Variants in PARVB observed in about 807,000 individuals in gnomAD.
PARVB encodes parvin beta, also known as beta-parvin.
Under a neutral mutation model 47.0 loss-of-function variants are expected in PARVB, and 46 were observed. That is an observed-to-expected ratio of 0.98 (90% confidence interval 0.77 to 1.25). The LOEUF is 1.25. Ranked by LOEUF, PARVB falls within the 50% of genes most tolerant of loss-of-function variation. The pLI is 0.00. For synonymous variants in PARVB, 196 were observed against 196.3 expected (o/e 1.00, Z 0.01); for missense variants, 473 against 471.6 (o/e 1.00, Z -0.03).
chr22:44,154,055 C>T (rs372338143), intron 10 of PARVB, among the ~76,000 whole-genome samples: 22 of 152,256 alleles, frequency 1.4e-4, no homozygotes, highest in Admixed American at 6.5e-4. Flanking sequence ...TGTCATGGGG[C>T]GTGTGAGGGG....
upstream of PARVB, among the ~76,000 whole-genome samples, chr22:44,023,498 A>C (rs1341037649): frequency 6.6e-6 from 1 of 151,708 alleles, no homozygotes; most frequent in Non-Finnish European, 1.5e-5. Flanking sequence ...GCAACAAAGC[A>C]AGACTACGTC....
At chr22:44,002,786 T>C (rs1340376991) in intron 2 of PARVB, among the ~76,000 whole-genome samples, 2 of 152,116 alleles carry the variant, frequency 1.3e-5, no homozygotes, top group African/African-American at 4.8e-5. Flanking sequence ...CCAGTTGGCC[T>C]GTTTTCAAGA....
At chr22:44,127,191 G>A (rs796668249) in intron 4 of PARVB, among the ~76,000 whole-genome samples, 15 of 152,104 alleles carry the variant, frequency 9.9e-5, no homozygotes, top group African/African-American at 3.6e-4. Context: ...AATCACATAA[G>A]CACTTGAGAA....
At chr22:44,082,544 A>G (rs2051928723) in intron 1 of PARVB, among the ~76,000 whole-genome samples, 1 of 152,232 alleles carries the variant, frequency 6.6e-6, no homozygotes, top group East Asian at 1.9e-4. Flanking sequence ...AACAAAAAAC[A>G]AAAAACAAAA....
At position 44,151,475 on chromosome 22, in the gene PARVB, C is replaced by G. The variant is rs41302597; in HGVS notation, c.775-8C>G. On this transcript the variant is annotated splice_polypyrimidine_tract_variant and splice_region_variant and intron_variant, in intron 9 of 12. Transcript: ENST00000338758. ...TCATGGCTCCTGTGTCTCTTTTATT[C>G]TTGGCAGTCTCTCATCACTTTTGTG... 0.016 allele frequency: 25,075 copies of G among 1,612,070 alleles called. 256 individuals are homozygous for G. The highest frequency in any genetic ancestry group is 0.019 in the Non-Finnish European group (21,812 of 1,178,108).
intron 1 of PARVB, chr22:44,026,441 C>T (rs1043119464): frequency 1.6e-5 from 11 of 700,418 alleles, no homozygotes; most frequent in Non-Finnish European, 1.9e-5. Flanking sequence ...GGCCACAAAC[C>T]CTCCTTGGAT....
intron 1 of PARVB, among the ~76,000 whole-genome samples, chr22:44,030,171 G>A (rs944924031): frequency 1.4e-4 from 21 of 152,324 alleles, no homozygotes; most frequent in Non-Finnish European, 1.5e-4. Context: ...CACTGCCCCC[G>A]CCTTTCCCCC....
intron 2 of PARVB, among the ~76,000 whole-genome samples, chr22:44,000,503 G>C (rs747723923): frequency 6.6e-6 from 1 of 152,226 alleles, no homozygotes; most frequent in African/African-American, 2.4e-5. Flanking sequence ...TAGGCCGGGC[G>C]TGGTGGCTCA....
intron 1 of PARVB, among the ~76,000 whole-genome samples, chr22:44,029,546 C>CTGTGGG (rs1569061277): frequency 3.9e-5 from 6 of 151,982 alleles, no homozygotes; most frequent in Admixed American, 2.6e-4. Flanking sequence ...GAGGCTGAGG[C>CTGTGGG]AGGTGGATCA....
chr22:44,097,069 C>T (rs964849279), intron 2 of PARVB, among the ~76,000 whole-genome samples: 1 of 152,120 alleles, frequency 6.6e-6, no homozygotes, highest in African/African-American at 2.4e-5. Flanking sequence ...CTTGGAGCCA[C>T]CGAGAGGAGC....
intron 1 of PARVB, among the ~76,000 whole-genome samples, chr22:44,070,222 TCA>T (rs2051624623): frequency 6.6e-6 from 1 of 152,118 alleles, no homozygotes; most frequent in African/African-American, 2.4e-5. Context: ...CTGCCCAAGG[TCA>T]CACCGCAGAT....
upstream of PARVB, among the ~76,000 whole-genome samples, chr22:44,021,106 C>T (rs1030357648): frequency 8.5e-5 from 13 of 152,172 alleles, no homozygotes; most frequent in African/African-American, 2.7e-4. Context: ...TTTATGGAGC[C>T]TTCATTGGCT....
intron 12 of PARVB, among the ~76,000 whole-genome samples, chr22:44,166,357 G>C (rs1462570515): frequency 6.6e-6 from 1 of 152,196 alleles, no homozygotes; most frequent in Non-Finnish European, 1.5e-5. Flanking sequence ...TGATCCACCT[G>C]CCTTGCCCTC....
rs368898940 is a variant in PARVB, at chr22:44,037,335, A to T, written c.112+12884A>T. Among the ~76,000 whole-genome samples, 32 of 152,254 alleles carry T rather than the reference A, an allele frequency of 2.1e-4. No individual in the cohort carries two copies. The East Asian group carries it at 2.7e-3, about 13-fold the overall frequency. ...CTACTCGGGAGGCTGAGGTGGGAGGATCGCTTGAGCCTGGGAGGTGGAGGT... is the reference window on the plus strand; with the variant it reads ...CTACTCGGGAGGCTGAGGTGGGAGGTTCGCTTGAGCCTGGGAGGTGGAGGT... On this transcript the variant is annotated intron_variant, in intron 1 of 12. Transcript: ENST00000338758.
rs1569060584 is a variant in PARVB at position 44,028,313 on chromosome 22, T to TTTG, written c.112+3864_112+3865insGTT. Among the ~76,000 whole-genome samples the TTTG allele has an allele frequency of 2.2e-3, 316 of 145,878 alleles. 2 individuals carry two copies. The highest frequency in any genetic ancestry group is 6.7e-3 in the African/African-American group (260 of 38,940). ...CTGGCAACCACGGATCATTTTTTTG[T>TTTG]TTTGTTTTTTTGGTTTTTGTTTTTG... On this transcript the variant is annotated intron_variant, in intron 1 of 12. Transcript: ENST00000338758.
In PARVB at chr22:44,015,231, CAGAT is replaced by C. The variant is rs1391377208; in HGVS notation, c.211+15561_211+15564del. On this transcript the variant is annotated intron_variant, in intron 2 of 13. Transcript: ENST00000406477. ...AGGAGATAGAAAGAAATTATTTAGA[CAGAT>C]AGTGAGGGTGAAAGAGTCCTTGACA... Among the ~76,000 whole-genome samples, 2 of 151,754 alleles carry C rather than the reference CAGAT, an allele frequency of 1.3e-5. 1 individual carries two copies. Among genetic ancestry groups the C allele is most frequent in the African/African-American group, 4.8e-5 (2 of 41,340 alleles).
At chr22:44,140,650 C>T in intron 8 of PARVB, 1 of 514,092 alleles carries the variant, frequency 1.9e-6, no homozygotes, top group East Asian at 5.5e-5. Flanking sequence ...CCTGCCCCTT[C>T]CTCTCTCTGC....
At chr22:44,067,558 C>T (rs1342367350) in intron 1 of PARVB, among the ~76,000 whole-genome samples, 1 of 152,244 alleles carries the variant, frequency 6.6e-6, no homozygotes, top group Non-Finnish European at 1.5e-5. Flanking sequence ...TGGAAAGGCC[C>T]TCTCCATGGA....
rs1317065874 is a variant in PARVB at position 44,047,101 on chromosome 22, C to T, written c.112+22650C>T. Among the ~76,000 whole-genome samples, 3 of 152,154 alleles carry T rather than the reference C, an allele frequency of 2.0e-5. 1 individual carries two copies. The highest frequency in any genetic ancestry group is 7.2e-5 in the African/African-American group (3 of 41,418). Reference sequence around the variant, plus strand: ...GCAGAGCTTCACATGGAGCCTGTGCCCCGTCTTAGTCTATTTCGTGTTGCT... The same window carrying T: ...GCAGAGCTTCACATGGAGCCTGTGCTCCGTCTTAGTCTATTTCGTGTTGCT... On this transcript the variant is annotated intron_variant, in intron 1 of 12. Transcript: ENST00000338758.
Sources: allele counts gnomAD v4.1 joint callset (sites outside exome capture counted in the v4.1 genomes callset), GRCh38; gene constraint gnomAD v4.1.1; transcripts MANE v1.5; gene names NCBI Gene and HGNC (gene_info 2026-07-23, HGNC 2026-07-21).